Variants in ERC2 observed in about 807,000 individuals in gnomAD.
The protein encoded by ERC2 is ERC protein 2.
In ERC2, 42 loss-of-function variants were observed where a neutral mutation model predicts 114.8. That is an observed-to-expected ratio of 0.37 (90% CI 0.29 to 0.47). ERC2 has a LOEUF of 0.47. Among genes scored for constraint, ERC2 ranks in the 20% least tolerant of loss-of-function variants. ERC2 has a pLI of 0.99. For missense variants in ERC2, 939 were observed against 1,150.7 expected, an observed-to-expected ratio of 0.82 and a Z score of 2.66; for synonymous variants, 454 against 425.5, an observed-to-expected ratio of 1.07 and a Z score of -0.82.
At chr3:55,595,822 G>A (rs2058099382) in intron 17 of ERC2, among the ~76,000 whole-genome samples, 1 of 152,130 alleles carries the variant, frequency 6.6e-6, no homozygotes, top group Admixed American at 6.5e-5. Flanking sequence ...ATGAGAGTAT[G>A]GCAGTTTATA....
chr3:55,901,912 G>A (rs562107020), intron 13 of ERC2, among the ~76,000 whole-genome samples: 3 of 152,322 alleles, frequency 2.0e-5, no homozygotes, highest in Admixed American at 6.5e-5. Context: ...ACTTGATACC[G>A]ACTGAATCAG....
At chr3:56,252,332 G>A (rs1220765094) in intron 3 of ERC2, among the ~76,000 whole-genome samples, 1 of 152,174 alleles carries the variant, frequency 6.6e-6, no homozygotes. Context: ...TTAAGAGTGT[G>A]TGAGAGTTAT....
chr3:56,163,728 T>A (rs1403919157), intron 4 of ERC2, among the ~76,000 whole-genome samples: 1 of 152,130 alleles, frequency 6.6e-6, no homozygotes, highest in Non-Finnish European at 1.5e-5. Context: ...AGTGGATCTT[T>A]CTCCAACTCT....
At chr3:55,615,970 T>G (rs180931580) in intron 17 of ERC2, among the ~76,000 whole-genome samples, 110 of 152,340 alleles carry the variant, frequency 7.2e-4, no homozygotes, top group African/African-American at 2.5e-3. Context: ...TTTCTGAGTC[T>G]TCCAACGACA....
chr3:56,397,079 A>G, intron 2 of ERC2, among the ~76,000 whole-genome samples: 1 of 152,214 alleles, frequency 6.6e-6, no homozygotes, highest in East Asian at 1.9e-4. Flanking sequence ...ATGTCTGTAC[A>G]CAATGTTCTA....
chr3:55,850,433 GA>G (rs2061522050), intron 14 of ERC2, among the ~76,000 whole-genome samples: 1 of 152,200 alleles, frequency 6.6e-6, no homozygotes, highest in African/African-American at 2.4e-5. Context: ...ATAACTGGAA[GA>G]AGTAAGTAAC....
chr3:56,440,513 A>C (rs963124188), intron 1 of ERC2, among the ~76,000 whole-genome samples: 1 of 150,332 alleles, frequency 6.7e-6, no homozygotes, highest in Non-Finnish European at 1.5e-5. Context: ...ACGCCACTGA[A>C]CTCCAGCCTG....
intron 14 of ERC2, among the ~76,000 whole-genome samples, chr3:55,770,959 T>C (rs907929958): frequency 2.6e-5 from 4 of 152,206 alleles, no homozygotes; most frequent in Non-Finnish European, 4.4e-5. Context: ...TCCATGCCCC[T>C]GCCAAGGACA....
At chr3:55,805,558 A>C (rs1424357139) in intron 14 of ERC2, among the ~76,000 whole-genome samples, 1 of 151,678 alleles carries the variant, frequency 6.6e-6, no homozygotes, top group Non-Finnish European at 1.5e-5. Flanking sequence ...TGAGGACAGT[A>C]CAGCCACATT....
At chr3:55,991,961 A>T in intron 11 of ERC2, 96 bp downstream of exon 11, 2 of 1,061,312 alleles carry the variant, frequency 1.9e-6, no homozygotes, top group Non-Finnish European at 2.8e-6. Context: ...AACTTGTAAT[A>T]TGAATGTACA....
chr3:56,262,079 G>A (rs770311280), intron 3 of ERC2, among the ~76,000 whole-genome samples: 27 of 152,206 alleles, frequency 1.8e-4, no homozygotes, highest in Non-Finnish European at 2.4e-4. Context: ...ATTCCATGGT[G>A]TATATGCACC....
chr3:56,225,870 C>A (rs1032849213), intron 3 of ERC2, among the ~76,000 whole-genome samples: 1 of 152,028 alleles, frequency 6.6e-6, no homozygotes, highest in Non-Finnish European at 1.5e-5. Flanking sequence ...ACCAGGCAGG[C>A]AAACACTCAT....
chr3:55,855,864 A>T (rs534648659), intron 14 of ERC2, among the ~76,000 whole-genome samples: 10 of 152,330 alleles, frequency 6.6e-5, no homozygotes, highest in Admixed American at 2.0e-4. Flanking sequence ...GCAGTAATTT[A>T]AATTTTACTT....
chr3:55,673,469 G>A (rs191209824), intron 17 of ERC2, among the ~76,000 whole-genome samples: 7 of 152,174 alleles, frequency 4.6e-5, no homozygotes, highest in African/African-American at 9.7e-5. Flanking sequence ...TGTACTCCCA[G>A]CTACTCGGGA....
chr3:56,283,639 G>C (rs910894302), intron 3 of ERC2, among the ~76,000 whole-genome samples: 1 of 152,162 alleles, frequency 6.6e-6, no homozygotes, highest in Middle Eastern at 3.2e-3. Flanking sequence ...TTTTAAAGAA[G>C]ATCATTTGTC....
chr3:56,353,028 T>G (rs961682093), intron 2 of ERC2, among the ~76,000 whole-genome samples: 2 of 152,172 alleles, frequency 1.3e-5, no homozygotes, highest in African/African-American at 4.8e-5. Context: ...TCACAGAGCC[T>G]GCCTCAGGGC....
intron 2 of ERC2, among the ~76,000 whole-genome samples, chr3:56,388,611 G>A (rs1228732860): frequency 1.3e-5 from 2 of 152,172 alleles, no homozygotes; most frequent in Non-Finnish European, 2.9e-5. Flanking sequence ...GAGGCTTGAA[G>A]TCTAGACTTC....
At chr3:55,877,084 T>A (rs78796572) in intron 14 of ERC2, among the ~76,000 whole-genome samples, 169 of 152,306 alleles carry the variant, frequency 1.1e-3, no homozygotes, top group Non-Finnish European at 2.1e-3. Context: ...AACACCAGTA[T>A]AAAAAATGAG....
chr3:55,782,355 T>G (rs1448221509), intron 14 of ERC2, among the ~76,000 whole-genome samples: 1 of 152,204 alleles, frequency 6.6e-6, no homozygotes, highest in African/African-American at 2.4e-5. Flanking sequence ...CTGCATCCTT[T>G]TGCATTTCAG....
Sources: allele counts gnomAD v4.1 joint callset (sites outside exome capture counted in the v4.1 genomes callset), GRCh38; gene constraint gnomAD v4.1.1; transcripts MANE v1.5; gene names NCBI Gene and HGNC (gene_info 2026-07-23, HGNC 2026-07-21).